CNTNAP5: variants seen among roughly 807,000 people sequenced by gnomAD.
CNTNAP5 encodes the protein contactin associated protein family member 5, also known as contactin-associated protein-like 5.
In CNTNAP5, 72 loss-of-function variants were observed where a neutral mutation model predicts 150.2. That is an observed-to-expected ratio of 0.48 (90% CI 0.40 to 0.58). CNTNAP5 has a LOEUF of 0.58. Among genes scored for constraint, CNTNAP5 ranks in the 20% least tolerant of loss-of-function variants. The pLI, the probability that CNTNAP5 is intolerant of heterozygous loss-of-function variation, is 0.00. For missense variants in CNTNAP5, 1,636 were observed against 1,626.2 expected (o/e 1.01, Z -0.10); for synonymous variants, 672 against 619.8 (o/e 1.08, Z -1.25).
At chr2:124,324,934 A>C (rs1172230577) in intron 3 of CNTNAP5, among the ~76,000 whole-genome samples, 1 of 152,228 alleles carries the variant, frequency 6.6e-6, no homozygotes, top group East Asian at 1.9e-4. Flanking sequence ...CGGTTTGTGA[A>C]ATGCTCTTTT....
At chr2:124,717,921 G>T (rs72978571) in intron 13 of CNTNAP5, among the ~76,000 whole-genome samples, 1,802 of 152,146 alleles carry the variant, frequency 0.012, 44 homozygotes, top group African/African-American at 0.041. Context: ...ATAAAAACTA[G>T]ATACCTATTA....
At chr2:124,813,102 A>G (rs1682273543) in intron 19 of CNTNAP5, among the ~76,000 whole-genome samples, 1 of 150,670 alleles carries the variant, frequency 6.6e-6, no homozygotes, top group African/African-American at 2.5e-5. Context: ...TTTGTGATGG[A>G]GTCTTGCTCT....
chr2:124,683,243 G>C (rs1390076614), intron 13 of CNTNAP5, among the ~76,000 whole-genome samples: 1 of 152,074 alleles, frequency 6.6e-6, no homozygotes, highest in Non-Finnish European at 1.5e-5. Flanking sequence ...TGCTTTGTTG[G>C]CCCATTGCTG....
rs540858860 is a variant in CNTNAP5 at position 124,438,784 on chromosome 2, T to C, written c.733+4097T>C. 4.6e-5 allele frequency among the ~76,000 whole-genome samples: 7 copies of C among 152,342 alleles called. No individual in the cohort carries two copies. The South Asian group carries it at 1.5e-3, about 32-fold the overall frequency. On this transcript the variant is annotated intron_variant, in intron 5 of 23. Coordinates refer to ENST00000682447, the MANE Select transcript of CNTNAP5 (RefSeq NM_001367498.1). ...TGTACTAAATACTATAAAAGTTTTT[T>C]TTTAGTTGCCATTTTTTGAGAGCCC...
At chr2:124,475,460 C>G (rs1353773589) in intron 7 of CNTNAP5, among the ~76,000 whole-genome samples, 3 of 152,040 alleles carry the variant, frequency 2.0e-5, no homozygotes, top group African/African-American at 7.2e-5. Flanking sequence ...AACAGAGTGC[C>G]TTAAACGTTG....
At chr2:124,068,108 A>T (rs1682208648) in intron 1 of CNTNAP5, among the ~76,000 whole-genome samples, 2 of 151,736 alleles carry the variant, frequency 1.3e-5, no homozygotes, top group South Asian at 4.2e-4. Context: ...GCATACACAA[A>T]CGCACATTTA....
chr2:124,121,137 TAC>T (rs3981152), intron 1 of CNTNAP5, among the ~76,000 whole-genome samples: 9,413 of 148,412 alleles, frequency 0.063, 407 homozygotes, highest in East Asian at 0.19. Flanking sequence ...CTTATTGCCA[TAC>T]ACACACACAC....
intron 5 of CNTNAP5, among the ~76,000 whole-genome samples, chr2:124,444,963 G>A (rs756579337): frequency 1.3e-5 from 2 of 151,984 alleles, no homozygotes; most frequent in African/African-American, 2.4e-5. Context: ...TTTATTTGAT[G>A]AGCATCTCTA....
At chr2:124,913,732 G>A (rs1369721381) in intron 23 of CNTNAP5, among the ~76,000 whole-genome samples, 1 of 151,950 alleles carries the variant, frequency 6.6e-6, no homozygotes, top group Non-Finnish European at 1.5e-5. Context: ...AAAAAAATGG[G>A]CTAATTACAA....
intron 1 of CNTNAP5, among the ~76,000 whole-genome samples, chr2:124,033,529 G>A (rs1235350674): frequency 6.6e-6 from 1 of 152,024 alleles, no homozygotes; most frequent in Non-Finnish European, 1.5e-5. Context: ...TATTACCATT[G>A]ACTTTTCCCT....
chr2:124,747,614 CTTTTTTTTTTTT>C (rs11351693), intron 14 of CNTNAP5, among the ~76,000 whole-genome samples: 55 of 53,270 alleles, frequency 1.0e-3, no homozygotes, highest in African/African-American at 4.4e-3. Flanking sequence ...GCTGCTTCTT[CTTTTTTTTTTTT>C]TTTTTTTTTT....
intron 14 of CNTNAP5, among the ~76,000 whole-genome samples, chr2:124,750,119 T>G (rs1680693963): frequency 6.6e-6 from 1 of 152,170 alleles, no homozygotes; most frequent in Admixed American, 6.5e-5. Flanking sequence ...TTCATGACCC[T>G]TTCCATTTCC....
intron 13 of CNTNAP5, among the ~76,000 whole-genome samples, chr2:124,725,811 G>A (rs6745947): frequency 0.25 from 38,621 of 151,794 alleles, 5,540 homozygotes; most frequent in Non-Finnish European, 0.34. Flanking sequence ...AGATCATAAG[G>A]TATTTGTCTT....
At chr2:124,226,496 G>T (rs1050935262) in intron 2 of CNTNAP5, among the ~76,000 whole-genome samples, 1 of 151,890 alleles carries the variant, frequency 6.6e-6, no homozygotes, top group African/African-American at 2.4e-5. Flanking sequence ...AAATGTTTGG[G>T]TATTAACCCC....
At chr2:124,168,025 T>C (rs1684846625) in intron 1 of CNTNAP5, among the ~76,000 whole-genome samples, 1 of 152,150 alleles carries the variant, frequency 6.6e-6, no homozygotes, top group Non-Finnish European at 1.5e-5. Flanking sequence ...AGTCAGTTCC[T>C]TACTATAAAA....
At chr2:124,048,665 G>C (rs773937431) in intron 1 of CNTNAP5, among the ~76,000 whole-genome samples, 7 of 151,968 alleles carry the variant, frequency 4.6e-5, no homozygotes, top group Non-Finnish European at 7.4e-5. Context: ...CTTTTTTGTT[G>C]GTAAATATGC....
At chr2:124,544,726 T>A (rs1431862858) in intron 10 of CNTNAP5, among the ~76,000 whole-genome samples, 1 of 152,220 alleles carries the variant, frequency 6.6e-6, no homozygotes, top group Non-Finnish European at 1.5e-5. Flanking sequence ...TTAGACACTC[T>A]GCTAGGGCCA....
chr2:124,390,165 C>A (rs1465657430), intron 3 of CNTNAP5, among the ~76,000 whole-genome samples: 1 of 152,116 alleles, frequency 6.6e-6, no homozygotes, highest in Admixed American at 6.6e-5. Context: ...AAGGGCTAGA[C>A]CCTCTCCCTG....
chr2:124,756,280 G>A (rs1680838397), intron 14 of CNTNAP5, among the ~76,000 whole-genome samples: 2 of 152,178 alleles, frequency 1.3e-5, no homozygotes, highest in Admixed American at 1.3e-4. Flanking sequence ...TGCTAGAGAG[G>A]TTGTGGAGAA....
Sources: gnomAD v4.1 joint callset for allele counts (sites outside exome capture counted in the v4.1 genomes callset) on GRCh38, gnomAD v4.1.1 for gene constraint, MANE v1.5 for transcripts, NCBI Gene and HGNC (gene_info 2026-07-23, HGNC 2026-07-21) for gene names.